The following CHSY3 variants were observed in gnomAD, a reference collection of about 807,000 sequenced individuals.
CHSY3 encodes chondroitin sulfate synthase 3.
CHSY3 carries 35 observed loss-of-function variants against 67.2 expected under a neutral mutation model. The observed-to-expected ratio is 0.52, with a 90% CI of 0.40 to 0.69. CHSY3 has a LOEUF of 0.69. Among genes scored for constraint, CHSY3 ranks in the 30% least tolerant of loss-of-function variants. The pLI is 0.00. For synonymous variants in CHSY3, 474 were observed against 434.7 expected (o/e 1.09, Z -1.12); for missense variants, 1,069 against 1,138.5 (o/e 0.94, Z 0.88).
At chr5:130,061,045 T>C (rs1016832408) in intron 2 of CHSY3, among the ~76,000 whole-genome samples, 7 of 152,144 alleles carry the variant, frequency 4.6e-5, no homozygotes, top group South Asian at 2.1e-4. Flanking sequence ...TCATTTTTCA[T>C]AGAAGTATAA....
intron 2 of CHSY3, among the ~76,000 whole-genome samples, chr5:129,935,350 T>C (rs1336011662): frequency 6.6e-6 from 1 of 152,198 alleles, no homozygotes; most frequent in Non-Finnish European, 1.5e-5. Context: ...ATTTTTACTC[T>C]GTGTCCCTAA....
intron 2 of CHSY3, among the ~76,000 whole-genome samples, chr5:129,972,226 A>G (rs937436582): frequency 6.6e-6 from 1 of 152,022 alleles, no homozygotes; most frequent in African/African-American, 2.4e-5. Context: ...GTTTAAGAAC[A>G]TTACAAATTA....
At chr5:130,025,179 G>T (rs1764505829) in intron 2 of CHSY3, among the ~76,000 whole-genome samples, 2 of 152,080 alleles carry the variant, frequency 1.3e-5, no homozygotes, top group East Asian at 1.9e-4. Flanking sequence ...CCTTAATTTG[G>T]CTTTGTATGA....
At chr5:130,155,652 C>T (rs559472725) in intron 2 of CHSY3, among the ~76,000 whole-genome samples, 1 of 152,254 alleles carries the variant, frequency 6.6e-6, no homozygotes, top group South Asian at 2.1e-4. Context: ...AAAGACAACT[C>T]AAATAAAATG....
chr5:129,925,892 TG>T (rs1761092717), intron 2 of CHSY3, among the ~76,000 whole-genome samples: 1 of 41,310 alleles, frequency 2.4e-5, no homozygotes, highest in Admixed American at 2.8e-4. Flanking sequence ...TGTGTATATA[TG>T]TGTGTGTGCA....
At chr5:129,988,629 T>C (rs1204838746) in intron 2 of CHSY3, among the ~76,000 whole-genome samples, 1 of 152,206 alleles carries the variant, frequency 6.6e-6, no homozygotes, top group Non-Finnish European at 1.5e-5. Flanking sequence ...TATTTCTGAA[T>C]GAATGAATGA....
intron 2 of CHSY3, among the ~76,000 whole-genome samples, chr5:129,979,764 C>T (rs1045255299): frequency 6.6e-6 from 1 of 152,124 alleles, no homozygotes; most frequent in Non-Finnish European, 1.5e-5. Context: ...ATCCTCTATC[C>T]CCCAGTCCCT....
At chr5:129,933,340 G>A (rs1046731582) in intron 2 of CHSY3, among the ~76,000 whole-genome samples, 1 of 152,134 alleles carries the variant, frequency 6.6e-6, no homozygotes, top group African/African-American at 2.4e-5. Context: ...AGGTTGTCAG[G>A]CTTAGTCAGC....
chr5:130,173,044 A>G (rs1457704282), intron 2 of CHSY3, among the ~76,000 whole-genome samples: 1 of 152,214 alleles, frequency 6.6e-6, no homozygotes, highest in Non-Finnish European at 1.5e-5. Flanking sequence ...TATAACAAAC[A>G]TGGAGAAATT....
chr5:129,929,049 A>T (rs975272728), intron 2 of CHSY3, among the ~76,000 whole-genome samples: 3 of 152,184 alleles, frequency 2.0e-5, no homozygotes, highest in Admixed American at 6.6e-5. Context: ...AAAGAATGGC[A>T]TTTCATTTTT....
intron 2 of CHSY3, among the ~76,000 whole-genome samples, chr5:129,974,262 G>A (rs1435036394): frequency 2.6e-5 from 4 of 152,064 alleles, no homozygotes; most frequent in African/African-American, 9.7e-5. Flanking sequence ...AAAAGGGATG[G>A]AATGTGCCAG....
At chr5:130,124,148 A>C (rs1235371541) in intron 2 of CHSY3, among the ~76,000 whole-genome samples, 1 of 152,070 alleles carries the variant, frequency 6.6e-6, no homozygotes, top group Non-Finnish European at 1.5e-5. Context: ...AAATGATAAA[A>C]TAGAAAACAG....
At chr5:130,118,662 A>T (rs148449716) in intron 2 of CHSY3, among the ~76,000 whole-genome samples, 1 of 152,158 alleles carries the variant, frequency 6.6e-6, no homozygotes, top group African/African-American at 2.4e-5. Flanking sequence ...GCAAACTATC[A>T]TCGATTTCCT....
chr5:130,173,186 C>T (rs999707182), intron 2 of CHSY3, among the ~76,000 whole-genome samples: 1 of 152,024 alleles, frequency 6.6e-6, no homozygotes, highest in Non-Finnish European at 1.5e-5. Context: ...TTGGACTACA[C>T]GTTTTCAACA....
Position 129,905,479 on chromosome 5 carries a change from C to A in CHSY3, c.650C>A (p.Pro217His). Residue 217 changes from proline to histidine, a missense_variant, in exon 1 of 3, where the codon CCC becomes CAC. Transcript: ENST00000305031. ...SSQQPPNAGQ[P>H]PPPLPVIALP... ...CAGCAGCCCCCCAACGCCGGCCAGC[C>A]CCCGCCACCCCTGCCTGTCATCGCG... is the stretch of plus-strand genomic sequence containing the variant. 1 of 1,612,988 alleles carries A rather than the reference C, an allele frequency of 6.2e-7. No homozygotes were observed. The highest frequency in any genetic ancestry group is 1.3e-5 in the African/African-American group (1 of 75,040).
chr5:130,068,367 A>G (rs536475977), intron 2 of CHSY3, among the ~76,000 whole-genome samples: 1 of 152,270 alleles, frequency 6.6e-6, no homozygotes, highest in East Asian at 1.9e-4. Context: ...ACTGTACATG[A>G]TGGTCCACGT....
At chr5:130,039,183 T>C (rs536256091) in intron 2 of CHSY3, among the ~76,000 whole-genome samples, 2 of 152,210 alleles carry the variant, frequency 1.3e-5, no homozygotes, top group East Asian at 3.9e-4. Context: ...ATTTAGAGTA[T>C]CTACTAGAGA....
At chr5:130,116,071 C>T (rs1767789532) in intron 2 of CHSY3, among the ~76,000 whole-genome samples, 1 of 152,168 alleles carries the variant, frequency 6.6e-6, no homozygotes, top group Non-Finnish European at 1.5e-5. Context: ...GCATTATTGC[C>T]CCTTTCTTCT....
intron 2 of CHSY3, among the ~76,000 whole-genome samples, chr5:130,053,366 C>T (rs1186456742): frequency 1.3e-5 from 2 of 151,918 alleles, no homozygotes; most frequent in East Asian, 1.9e-4. Flanking sequence ...CAAGCAAAAG[C>T]TATATAGGGT....
Sources: gnomAD v4.1 joint callset for allele counts (sites outside exome capture counted in the v4.1 genomes callset) on GRCh38, gnomAD v4.1.1 for gene constraint, MANE v1.5 for transcripts, NCBI Gene and HGNC (gene_info 2026-07-23, HGNC 2026-07-21) for gene names.